Variants in BICC1 observed in about 807,000 individuals in gnomAD.
BICC1 encodes the protein BicC family RNA binding protein 1.
A neutral mutation model predicts 111.0 loss-of-function variants in BICC1; 43 were observed. That is an observed-to-expected ratio of 0.39 (90% CI 0.30 to 0.50). The LOEUF is 0.50. BICC1 is among the 20% of genes least tolerant of loss of function. BICC1 has a pLI of 0.88. For synonymous variants in BICC1, 467 were observed against 434.4 expected (o/e 1.07, Z -0.93); for missense variants, 1,091 against 1,203.2 (o/e 0.91, Z 1.38).
At chr10:58,699,673 G>A (rs1840170381) in intron 2 of BICC1, among the ~76,000 whole-genome samples, 1 of 151,818 alleles carries the variant, frequency 6.6e-6, no homozygotes, top group Non-Finnish European at 1.5e-5. Flanking sequence ...CAACATTATA[G>A]TAAGATCTTA....
At chr10:58,526,674 C>T (rs944974373) in intron 1 of BICC1, among the ~76,000 whole-genome samples, 24 of 152,246 alleles carry the variant, frequency 1.6e-4, no homozygotes, top group South Asian at 2.1e-4. Context: ...TGAGAACATG[C>T]GGTGTTTGGT....
chr10:58,819,685 C>T (rs1026454705), intron 19 of BICC1, among the ~76,000 whole-genome samples: 1 of 152,138 alleles, frequency 6.6e-6, no homozygotes. Flanking sequence ...TGTCAACCCT[C>T]TGTGCCCACA....
At chr10:58,720,338 G>A (rs1840899320) in intron 3 of BICC1, among the ~76,000 whole-genome samples, 1 of 152,184 alleles carries the variant, frequency 6.6e-6, no homozygotes, top group Admixed American at 6.5e-5. Flanking sequence ...GGGCACTAGA[G>A]TGAGTGTTGG....
At chr10:58,735,090 A>C (rs1841427626) in intron 3 of BICC1, among the ~76,000 whole-genome samples, 1 of 152,228 alleles carries the variant, frequency 6.6e-6, no homozygotes, top group East Asian at 1.9e-4. Context: ...CTTAACCAGA[A>C]GCAAATTGTG....
chr10:58,698,113 C>A (rs1190574666), intron 2 of BICC1, among the ~76,000 whole-genome samples: 1 of 152,186 alleles, frequency 6.6e-6, no homozygotes, highest in Non-Finnish European at 1.5e-5. Flanking sequence ...GTAAGTGTGG[C>A]CCCTTCCTAT....
At chr10:58,613,150 C>T (rs531796888) in intron 1 of BICC1, among the ~76,000 whole-genome samples, 1 of 152,282 alleles carries the variant, frequency 6.6e-6, no homozygotes, top group Non-Finnish European at 1.5e-5. Flanking sequence ...GCACATTCAG[C>T]CAGCCACGTT....
chr10:58,756,363 G>C (rs1842144559), intron 3 of BICC1, among the ~76,000 whole-genome samples: 1 of 152,010 alleles, frequency 6.6e-6, no homozygotes, highest in African/African-American at 2.4e-5. Flanking sequence ...TTTTGTGTGT[G>C]GGGGTGGAGA....
chr10:58,713,008 C>G (rs1051858276), intron 3 of BICC1, among the ~76,000 whole-genome samples: 2 of 152,044 alleles, frequency 1.3e-5, no homozygotes, highest in African/African-American at 4.8e-5. Flanking sequence ...TTAAAATATA[C>G]TATATGCAAA....
chr10:58,790,019 AT>A, intron 8 of BICC1, 86 bp downstream of exon 8: 1 of 1,450,292 alleles, frequency 6.9e-7, no homozygotes, highest in Non-Finnish European at 9.4e-7. Context: ...CTAATGTGAT[AT>A]TTAGGAAAGC....
At chr10:58,592,366 C>T (rs1281709678) in intron 1 of BICC1, among the ~76,000 whole-genome samples, 1 of 152,146 alleles carries the variant, frequency 6.6e-6, no homozygotes, top group African/African-American at 2.4e-5. Flanking sequence ...AGAGAATAGT[C>T]TGCTATGACA....
At chr10:58,652,845 C>G (rs574286079) in intron 2 of BICC1, among the ~76,000 whole-genome samples, 1 of 152,050 alleles carries the variant, frequency 6.6e-6, no homozygotes, top group South Asian at 2.1e-4. Context: ...AAGCACTGCA[C>G]CTAGCACAGA....
chr10:58,783,757 G>C (rs1393893232), intron 3 of BICC1, among the ~76,000 whole-genome samples: 2 of 152,152 alleles, frequency 1.3e-5, no homozygotes, highest in Non-Finnish European at 2.9e-5. Context: ...GTAAGGTTGA[G>C]ACATGATCAA....
rs1020585273 is a variant in BICC1 at position 58,514,161 on chromosome 10, C to T, written c.190+828C>T. Among the ~76,000 whole-genome samples, 8 of 152,298 alleles carry T rather than the reference C, an allele frequency of 5.3e-5. 1 individual carries two copies. Among genetic ancestry groups the T allele is most frequent in the South Asian group, 2.1e-4 (1 of 4,828 alleles). The stretch of plus-strand genomic sequence containing the variant: ...ACGAGTGTTGGAGTGAACGTCAAAA[C>T]GTCCAAGGTCATTTTGACCTTTCTT... On this transcript the variant is annotated intron_variant, in intron 1 of 20. Transcript: ENST00000373886.
intron 1 of BICC1, among the ~76,000 whole-genome samples, chr10:58,521,424 G>A (rs1842383176): frequency 6.6e-6 from 1 of 152,042 alleles, no homozygotes; most frequent in African/African-American, 2.4e-5. Flanking sequence ...AGCCTTTTAT[G>A]CATTTTTTAT....
chr10:58,618,487 G>A (rs931614872), intron 1 of BICC1, among the ~76,000 whole-genome samples: 5 of 152,140 alleles, frequency 3.3e-5, no homozygotes, highest in South Asian at 2.1e-4. Flanking sequence ...GTTGGCTCGC[G>A]CCCAGGTTTG....
intron 1 of BICC1, among the ~76,000 whole-genome samples, chr10:58,616,332 C>T (rs1845605714): frequency 6.6e-6 from 1 of 152,152 alleles, no homozygotes; most frequent in Non-Finnish European, 1.5e-5. Context: ...TTGGTTTTGG[C>T]CAGGATTGAC....
chr10:58,580,969 A>C (rs979940964), intron 1 of BICC1, among the ~76,000 whole-genome samples: 1 of 152,202 alleles, frequency 6.6e-6, no homozygotes, highest in Non-Finnish European at 1.5e-5. Context: ...AAAAGGTTTT[A>C]ATCAGGGAAG....
At chr10:58,540,288 G>C (rs900218977) in intron 1 of BICC1, among the ~76,000 whole-genome samples, 1 of 136,300 alleles carries the variant, frequency 7.3e-6, no homozygotes, top group Non-Finnish European at 1.6e-5. Flanking sequence ...AAATGAAATA[G>C]ATAATAGAAA....
intron 2 of BICC1, among the ~76,000 whole-genome samples, chr10:58,649,714 A>C (rs754718722): frequency 6.6e-6 from 1 of 152,172 alleles, no homozygotes; most frequent in South Asian, 2.1e-4. Context: ...CTGAATAGCT[A>C]ATCTCTATTG....
Sources: gnomAD v4.1 joint callset for allele counts (sites outside exome capture counted in the v4.1 genomes callset) on GRCh38, gnomAD v4.1.1 for gene constraint, MANE v1.5 for transcripts, NCBI Gene and HGNC (gene_info 2026-07-23, HGNC 2026-07-21) for gene names.